FABP7: variants seen among roughly 807,000 people sequenced by gnomAD.
FABP7 encodes fatty acid binding protein 7, also known as fatty acid-binding protein, brain.
In FABP7, 13 loss-of-function variants were observed where a neutral mutation model predicts 14.2. The ratio of observed to expected loss-of-function variants is 0.91; its 90% CI spans 0.59 to 1.45. The LOEUF (loss-of-function observed/expected upper bound fraction) is 1.45. Among genes scored for constraint, FABP7 ranks in the 40% most tolerant of loss-of-function variants. The probability of loss-of-function intolerance (pLI) is 0.00; values close to 1 mark genes in which losing one functional copy is unlikely to be tolerated. For synonymous variants in FABP7, 49 were observed against 51.4 expected, an observed-to-expected ratio of 0.95 and a Z score of 0.20; for missense variants, 149 against 157.6, an observed-to-expected ratio of 0.95 and a Z score of 0.29.
Position 122,780,409 on chromosome 6 carries a change from T to C in FABP7, c.192T>C (p.Ser64=), listed in dbSNP as rs1397529382. The C allele has an allele frequency of 6.8e-6, 11 of 1,613,896 alleles. No individual in the cohort carries two copies. The highest frequency in any genetic ancestry group is 8.5e-6 in the Non-Finnish European group (10 of 1,180,006). Residue 64 remains serine, a synonymous_variant, in exon 2 of 4, where the codon AGT becomes AGC. Transcript: ENST00000368444. The part of the protein sequence containing the change: ...TLSTFKNTEI[S]FQLGEEFDET... ...GCACATTCAAGAACACGGAGATTAG[T>C]TTCCAGCTGGGAGAAGAGTTTGATG...
chr6:122,758,833 G>A, the FABP7 span, among the ~76,000 whole-genome samples: 2 of 152,074 alleles, frequency 1.3e-5, no homozygotes, highest in Admixed American at 1.3e-4. Flanking sequence ...TATAAGTTAT[G>A]AATAAATAAA....
chr6:122,751,642 A>ATTAT, the FABP7 span, among the ~76,000 whole-genome samples: 2 of 152,198 alleles, frequency 1.3e-5, no homozygotes, highest in African/African-American at 4.8e-5. Flanking sequence ...GGCACATTCT[A>ATTAT]TTATTATGCT....
rs1780840992 is a variant in FABP7 at position 122,783,293 on chromosome 6, T to A, written c.349-424T>A. On this transcript the variant is annotated intron_variant, in intron 3 of 3. Transcript: ENST00000368444. ...TTGGAACAAGTCATTCCAAATACCATCAGCTCAAATGACTGGATTTTCTAA... is the reference window on the plus strand; with the variant it reads ...TTGGAACAAGTCATTCCAAATACCAACAGCTCAAATGACTGGATTTTCTAA... The A allele has an allele frequency of 6.1e-6, 6 of 985,234 alleles. No individual in the cohort carries two copies. The South Asian group carries it at 2.8e-4, about 46-fold the overall frequency. 61.0% of individuals were successfully genotyped at this position (985,234 alleles called of 1,614,324 possible). A position where few individuals can be genotyped will look rare whatever the true frequency, so the allele number is the denominator to read the frequency against.
chr6:122,765,379 G>T, the FABP7 span, among the ~76,000 whole-genome samples: 4 of 152,010 alleles, frequency 2.6e-5, no homozygotes. Context: ...CTTACATAGA[G>T]AGTTTAGATA....
intron 3 of FABP7, 82 bp from the exon 4 acceptor site, chr6:122,783,635 A>C: frequency 6.6e-7 from 1 of 1,510,948 alleles, no homozygotes; most frequent in Admixed American, 2.6e-5. Context: ...CATAATACTT[A>C]GATCACATAT....
chr6:122,781,130 T>C lies in FABP7; in HGVS notation c.284T>C (p.Ile95Thr), dbSNP rs886812406. ...VSLDGDKLVH[I>T]QKWDGKETNF... is the part of the protein sequence containing the mutation. ...CTGGATGGAGACAAACTTGTTCACA[T>C]ACAGAAATGGGATGGCAAAGAAACA... Residue 95 changes from isoleucine to threonine, a missense_variant, in exon 3 of 4, where the codon ATA (isoleucine) becomes ACA (threonine). Coordinates refer to ENST00000368444, the MANE Select transcript of FABP7 (RefSeq NM_001446.5). 1.2e-6 allele frequency: 2 copies of C among 1,613,854 alleles called. No individual in the cohort carries two copies. The highest frequency in any genetic ancestry group is 1.7e-6 in the Non-Finnish European group (2 of 1,179,904).
rs1182418694 is a variant in FABP7 at position 122,783,987 on chromosome 6, C to G, written c.*220C>G. 3 of 371,500 alleles carry G rather than the reference C, an allele frequency of 8.1e-6. No individual in the cohort carries two copies. The highest frequency in any genetic ancestry group is 1.4e-5 in the Non-Finnish European group (3 of 213,242). The allele number at this position is 371,500 out of a possible 1,614,324, so 23.0% of individuals were successfully genotyped here. A position where few individuals can be genotyped will look rare whatever the true frequency, so the allele number is the denominator to read the frequency against. On this transcript the variant is annotated 3_prime_UTR_variant, in exon 4 of 4. Coordinates refer to ENST00000368444, the MANE Select transcript of FABP7 (RefSeq NM_001446.5). Reference sequence around the variant, plus strand: ...AATTTGAATTAAAGTTTTGTCCCCCCCCCCCTTTTTTTTATAAACAAGTGA... The same window carrying G: ...AATTTGAATTAAAGTTTTGTCCCCCGCCCCCTTTTTTTTATAAACAAGTGA...
chr6:122,781,430 G>A (rs1481729659), intron 3 of FABP7: 1 of 1,402,016 alleles, frequency 7.1e-7, no homozygotes, highest in Non-Finnish European at 9.3e-7. Flanking sequence ...AAATTCATGT[G>A]TAGTTAAAAA....
At chr6:122,759,854 G>A in the FABP7 span, among the ~76,000 whole-genome samples, 1 of 152,002 alleles carries the variant, frequency 6.6e-6, no homozygotes, top group Non-Finnish European at 1.5e-5. Context: ...GGGCACAGTG[G>A]CTCATGCCTG....
chr6:122,757,004 T>C, the FABP7 span, among the ~76,000 whole-genome samples: 6 of 152,314 alleles, frequency 3.9e-5, no homozygotes, highest in South Asian at 1.0e-3. Flanking sequence ...ACTGTCCACA[T>C]TCACTCATGG....
intron 3 of FABP7, chr6:122,781,815 C>T: frequency 1.7e-6 from 1 of 593,030 alleles, no homozygotes; most frequent in Non-Finnish European, 2.1e-6. Context: ...ATTCTTGGCT[C>T]ACTGCAACCT....
chr6:122,779,770 T>G lies in FABP7; in HGVS notation c.-25T>G, dbSNP rs114011179. 8.2e-4 allele frequency: 1,316 copies of G among 1,612,860 alleles called. 5 individuals are homozygous for G. The African/African-American group carries it at 0.015, about 18-fold the overall frequency. ...TTAGACCAGAAGATCCCCGCTCCTGTCTCTAAAGAGGGGAAAGGGCAAGGA... is the reference window on the plus strand; with the variant it reads ...TTAGACCAGAAGATCCCCGCTCCTGGCTCTAAAGAGGGGAAAGGGCAAGGA... On this transcript the variant is annotated 5_prime_UTR_variant, in exon 1 of 4. Coordinates refer to ENST00000368444, the MANE Select transcript of FABP7 (RefSeq NM_001446.5).
At chr6:122,766,845 T>C in the FABP7 span, among the ~76,000 whole-genome samples, 17 of 152,158 alleles carry the variant, frequency 1.1e-4, no homozygotes, top group Admixed American at 2.6e-4. Context: ...ATACCATTAA[T>C]TGCACGTTTT....
intron 3 of FABP7, chr6:122,781,883 A>T (rs981733986): frequency 5.2e-6 from 2 of 388,270 alleles, no homozygotes; most frequent in Non-Finnish European, 7.0e-6. Context: ...CTGGGACCAC[A>T]GGTGCAAGCC....
chr6:122,777,486 C>T (rs768478274), upstream of FABP7, among the ~76,000 whole-genome samples: 6 of 152,162 alleles, frequency 3.9e-5, no homozygotes, highest in Non-Finnish European at 7.3e-5. Flanking sequence ...TTAGACACAA[C>T]TGACAGGCAT....
At chr6:122,751,448 A>G in the FABP7 span, among the ~76,000 whole-genome samples, 2 of 152,180 alleles carry the variant, frequency 1.3e-5, no homozygotes, top group South Asian at 2.1e-4. Flanking sequence ...TTCACCATCT[A>G]TGCATGCAGG....
In FABP7 at chr6:122,782,682, C is replaced by T. The variant is rs183762466; in HGVS notation, c.349-1035C>T. The T allele has an allele frequency of 6.7e-4, 660 of 985,362 alleles. 1 individual carries two copies. Among genetic ancestry groups the T allele is most frequent in the Non-Finnish European group, 7.6e-4 (634 of 829,936 alleles). The allele number at this position is 985,362 out of a possible 1,614,324, so 61.0% of individuals were successfully genotyped here. A position where few individuals can be genotyped will look rare whatever the true frequency, so the allele number is the denominator to read the frequency against. ...GAGAATGCTTTACATAGTCCTTGTACGATGACAGCAGAGAAAGTTTTGTTG... is the reference window on the plus strand; with the variant it reads ...GAGAATGCTTTACATAGTCCTTGTATGATGACAGCAGAGAAAGTTTTGTTG... On this transcript the variant is annotated intron_variant, in intron 3 of 3. Coordinates refer to ENST00000368444, the MANE Select transcript of FABP7 (RefSeq NM_001446.5).
At chr6:122,781,951 C>T (rs1780800380) in intron 3 of FABP7, 2 of 573,214 alleles carry the variant, frequency 3.5e-6, no homozygotes, top group African/African-American at 2.0e-5. Context: ...GCCATGTTGC[C>T]CAGGCTGGCC....
upstream of FABP7, among the ~76,000 whole-genome samples, chr6:122,777,454 C>T (rs1161134987): frequency 3.3e-5 from 5 of 152,106 alleles, no homozygotes; most frequent in Non-Finnish European, 7.4e-5. Context: ...GGAAGTCGGA[C>T]ATACTTCTGA....
Sources: allele counts gnomAD v4.1 joint callset (sites outside exome capture counted in the v4.1 genomes callset), GRCh38; gene constraint gnomAD v4.1.1; transcripts MANE v1.5; gene names NCBI Gene and HGNC (gene_info 2026-07-23, HGNC 2026-07-21).